FUBP3: variants seen among roughly 807,000 people sequenced by gnomAD.
The protein encoded by FUBP3 is far upstream element-binding protein 3.
FUBP3 carries 28 observed loss-of-function variants against 85.6 expected under a neutral mutation model. That is an observed-to-expected ratio of 0.33 (90% CI 0.24 to 0.45). The LOEUF is 0.45. Among genes scored for constraint, FUBP3 ranks in the 20% least tolerant of loss-of-function variants. The probability of loss-of-function intolerance (pLI) is 1.00; values close to 1 mark genes in which losing one functional copy is unlikely to be tolerated. For synonymous variants in FUBP3, 271 were observed against 271.4 expected, an observed-to-expected ratio of 1.00 and a Z score of 0.01; for missense variants, 583 against 755.1, an observed-to-expected ratio of 0.77 and a Z score of 2.67.
In FUBP3 at chr9:130,579,753, C is replaced by A. The variant is rs1349999227; in HGVS notation, c.73C>A (p.Arg25=). 7.0e-6 allele frequency: 9 copies of A among 1,279,488 alleles called. No homozygotes were observed. The highest frequency in any genetic ancestry group is 8.9e-6 in the Non-Finnish European group (9 of 1,010,358). 79.3% of individuals were successfully genotyped at this position (1,279,488 alleles called of 1,614,324 possible). Residue 25 remains arginine, a synonymous_variant, in exon 1 of 19, where the codon CGG becomes AGG. Coordinates refer to ENST00000319725, the MANE Select transcript of FUBP3 (RefSeq NM_003934.2). ...CGAGGGCTTCGTGGATGCCCTGCAC[C>A]GGGTCCGGCAGGTACGGGCGCAGCC... ...KAEGFVDALH[R]VRQIAAKIDS...
At chr9:130,629,234 G>A (rs957776665) in intron 12 of FUBP3, among the ~76,000 whole-genome samples, 3 of 152,208 alleles carry the variant, frequency 2.0e-5, no homozygotes, top group Non-Finnish European at 2.9e-5. Flanking sequence ...GTGCTGGCCC[G>A]GTGTCCCCAG....
At position 130,595,539 on chromosome 9, in the gene FUBP3, C is replaced by T. The variant is rs1401256643; in HGVS notation, c.141C>T (p.Asp47=). 2.5e-6 allele frequency: 4 copies of T among 1,593,712 alleles called. No individual in the cohort carries two copies. Among genetic ancestry groups the T allele is most frequent in the Admixed American group, 3.3e-5 (2 of 59,980 alleles). The change falls in exon 2 of 19, where the codon GAC becomes GAT. Residue 47 remains aspartate, a synonymous_variant. Coordinates refer to ENST00000319725, the MANE Select transcript of FUBP3 (RefSeq NM_003934.2). The part of the protein sequence containing the change: ...PHLNNSTPLV[D]PSVYGYGVQK... ...TGAATAATTCCACACCTCTAGTGGA[C>T]CCCTCAGTATATGGATACGGAGTAC...
chr9:130,634,632 C>G (rs770955885), intron 16 of FUBP3, 35 bp from the exon 17 acceptor site: 7 of 1,593,030 alleles, frequency 4.4e-6, no homozygotes, highest in African/African-American at 1.3e-5. Flanking sequence ...GTGAGGAGCC[C>G]GTAAGGCCTG....
intron 1 of FUBP3, among the ~76,000 whole-genome samples, chr9:130,591,508 G>C (rs1208088981): frequency 6.6e-6 from 1 of 152,122 alleles, no homozygotes; most frequent in African/African-American, 2.4e-5. Flanking sequence ...TCATTTTTTG[G>C]AACAAGGTAG....
At chr9:130,623,091 T>A (rs1036322154) in intron 10 of FUBP3, among the ~76,000 whole-genome samples, 1 of 152,194 alleles carries the variant, frequency 6.6e-6, no homozygotes, top group Non-Finnish European at 1.5e-5. Context: ...ATGCATAGTA[T>A]GTCAGCTTCT....
Position 130,616,776 on chromosome 9 carries a change from A to G in FUBP3, c.567+259A>G, listed in dbSNP as rs1832029922. Among the ~76,000 whole-genome samples, 1 of 152,246 alleles carries G rather than the reference A, an allele frequency of 6.6e-6. No individual in the cohort carries two copies. The highest frequency in any genetic ancestry group is 6.5e-5 in the Admixed American group (1 of 15,286). On this transcript the variant is annotated intron_variant, in intron 7 of 18. Transcript: ENST00000319725. The surrounding 1 kb of genome is among the most constrained non-coding windows in gnomAD (Gnocchi z 4.7). Reference sequence around the variant, plus strand: ...GTGAACTTTGAGCAGCCTTTTTGGCAGTGAGCTCTGTGAGGGCTGCTTTTA... The same window carrying G: ...GTGAACTTTGAGCAGCCTTTTTGGCGGTGAGCTCTGTGAGGGCTGCTTTTA...
At chr9:130,580,034 G>A (rs1830067519) in intron 1 of FUBP3, among the ~76,000 whole-genome samples, 1 of 152,218 alleles carries the variant, frequency 6.6e-6, no homozygotes, top group Non-Finnish European at 1.5e-5. Flanking sequence ...TCGTGCCCCA[G>A]CGGCCAGCCT....
Position 130,622,817 on chromosome 9 carries a change from A to T in FUBP3, c.874+7A>T. The T allele has an allele frequency of 1.5e-6, 2 of 1,323,114 alleles. No homozygotes were observed. Among genetic ancestry groups the T allele is most frequent in the Non-Finnish European group, 2.1e-6 (2 of 940,978 alleles). The allele number at this position is 1,323,114 out of a possible 1,614,324, so 82.0% of individuals were successfully genotyped here. On this transcript the variant is annotated splice_region_variant and intron_variant, in intron 10 of 18. Coordinates refer to ENST00000319725, the MANE Select transcript of FUBP3 (RefSeq NM_003934.2). ...AGGATTCAGTTTAAACCAGGTGGGT[A>T]TGATGATTTAAAAATCCTTAGTGTT...
intron 1 of FUBP3, among the ~76,000 whole-genome samples, chr9:130,591,709 G>A (rs1346963502): frequency 6.6e-6 from 1 of 152,174 alleles, no homozygotes; most frequent in African/African-American, 2.4e-5. Context: ...TACTCTCATA[G>A]TGGAAATTTC....
intron 6 of FUBP3, among the ~76,000 whole-genome samples, chr9:130,615,512 G>C (rs1435177161): frequency 6.6e-6 from 1 of 152,234 alleles, no homozygotes; most frequent in Non-Finnish European, 1.5e-5. Context: ...CCAAAAAGCA[G>C]ATTGTGTGTG....
chr9:130,630,409 A>C (rs1255180110), intron 12 of FUBP3, among the ~76,000 whole-genome samples: 1 of 152,212 alleles, frequency 6.6e-6, no homozygotes, highest in Non-Finnish European at 1.5e-5. Flanking sequence ...CCTTGAGAGA[A>C]AGTCCAGCTT....
chr9:130,623,589 T>C (rs780253616), intron 10 of FUBP3, 22 bp from the exon 11 acceptor site: 11 of 1,491,514 alleles, frequency 7.4e-6, no homozygotes, highest in Non-Finnish European at 9.4e-6. Flanking sequence ...TTTCTAATCC[T>C]GTCTCTCACC....
chr9:130,599,385 A>G (rs201266431), intron 2 of FUBP3, among the ~76,000 whole-genome samples: 20,174 of 145,426 alleles, frequency 0.14, 1,719 homozygotes, highest in African/African-American at 0.26. Flanking sequence ...GTGTGTGTGT[A>G]TATATATATA....
At position 130,616,542 on chromosome 9, in the gene FUBP3, A is replaced by G. The variant is rs762909653; in HGVS notation, c.567+25A>G. ...GGTGTGTGAGCCCGGAGCACGGAGC[A>G]CAGCGGCCGCTCGCAGCAGGTCTTC... On this transcript the variant is annotated intron_variant, in intron 7 of 18. Coordinates refer to ENST00000319725, the MANE Select transcript of FUBP3 (RefSeq NM_003934.2). The surrounding 1 kb of genome is among the most constrained non-coding windows in gnomAD (Gnocchi z 4.7). 6.2e-7 allele frequency: 1 copy of G among 1,609,910 alleles called. No individual in the cohort carries two copies. Among genetic ancestry groups the G allele is most frequent in the South Asian group, 1.1e-5 (1 of 90,964 alleles).
At chr9:130,628,296 A>C (rs1265341793) in intron 12 of FUBP3, among the ~76,000 whole-genome samples, 2 of 152,148 alleles carry the variant, frequency 1.3e-5, no homozygotes, top group African/African-American at 2.4e-5. Flanking sequence ...ACACAGCAAC[A>C]TTGACAGATA....
In FUBP3 at chr9:130,616,530, G is replaced by A. The variant is rs777346376; in HGVS notation, c.567+13G>A. ...CAAGCAGTTGCAGGTGTGTGAGCCC[G>A]GAGCACGGAGCACAGCGGCCGCTCG... On this transcript the variant is annotated intron_variant, in intron 7 of 18. Transcript: ENST00000319725. This position sits in a 1 kb window ranked among gnomAD's most constrained non-coding sequence, Gnocchi z 4.7. The A allele has an allele frequency of 2.5e-5, 40 of 1,603,080 alleles. No individual in the cohort carries two copies. Among genetic ancestry groups the A allele is most frequent in the Middle Eastern group, 1.7e-4 (1 of 6,040 alleles).
At chr9:130,633,551 G>A (rs984922417) in intron 16 of FUBP3, among the ~76,000 whole-genome samples, 8 of 152,262 alleles carry the variant, frequency 5.3e-5, no homozygotes, top group African/African-American at 9.6e-5. Context: ...GGAGGCACCC[G>A]GTGGTCTTGC....
In FUBP3 at chr9:130,616,686, C is replaced by T. The variant is rs891791438; in HGVS notation, c.567+169C>T. Among the ~76,000 whole-genome samples, 1 of 152,232 alleles carries T rather than the reference C, an allele frequency of 6.6e-6. No individual in the cohort carries two copies. Among genetic ancestry groups the T allele is most frequent in the Non-Finnish European group, 1.5e-5 (1 of 68,044 alleles). ...ACAGACAGCTTCTGAACATACACCA[C>T]GGCCACGTCTGATGCCAAATATGAT... is the stretch of plus-strand genomic sequence containing the variant. On this transcript the variant is annotated intron_variant, in intron 7 of 18. Coordinates refer to ENST00000319725, the MANE Select transcript of FUBP3 (RefSeq NM_003934.2). This position sits in a 1 kb window ranked among gnomAD's most constrained non-coding sequence, Gnocchi z 4.7.
rs369197415 is a variant in FUBP3 at position 130,635,967 on chromosome 9, C to T, written c.1583-32C>T. On this transcript the variant is annotated intron_variant, in intron 17 of 18. Coordinates refer to ENST00000319725, the MANE Select transcript of FUBP3 (RefSeq NM_003934.2). The surrounding 1 kb of genome is among the most constrained non-coding windows in gnomAD (Gnocchi z 4.3). ...GTCCTGCCCAGTGCACCTCCGCTCC[C>T]GATAACCTGTGTTTCCTCCTTTGTC... 3.2e-5 allele frequency: 51 copies of T among 1,609,008 alleles called. No homozygotes were observed. The highest frequency in any genetic ancestry group is 8.0e-5 in the African/African-American group (6 of 74,908).
Sources: allele counts gnomAD v4.1 joint callset (sites outside exome capture counted in the v4.1 genomes callset), GRCh38; gene constraint gnomAD v4.1.1; non-coding constraint Gnocchi (gnomAD v3.1); transcripts MANE v1.5; gene names NCBI Gene and HGNC (gene_info 2026-07-23, HGNC 2026-07-21).